The following EXOC6B variants were observed in gnomAD, a reference collection of about 807,000 sequenced individuals.
EXOC6B encodes SEC15 homolog B.
A neutral mutation model predicts 113.5 loss-of-function variants in EXOC6B; 54 were observed. The observed-to-expected ratio is 0.48, with a 90% CI of 0.38 to 0.60. EXOC6B has a LOEUF of 0.60. EXOC6B is among the 20% of genes least tolerant of loss of function. The pLI is 0.00. For synonymous variants in EXOC6B, 357 were observed against 339.0 expected (o/e 1.05, Z -0.58); for missense variants, 797 against 977.5 (o/e 0.82, Z 2.46).
intron 18 of EXOC6B, among the ~76,000 whole-genome samples, chr2:72,394,448 C>T (rs1692594392): frequency 6.6e-6 from 1 of 152,084 alleles, no homozygotes; most frequent in Non-Finnish European, 1.5e-5. Context: ...ACCCTCATTA[C>T]ATCCCAACAA....
rs142810311 is a variant in EXOC6B, at chr2:72,724,274, A to G, written c.465-5967T>C. Among the ~76,000 whole-genome samples, 151 of 152,320 alleles carry G rather than the reference A, an allele frequency of 9.9e-4. 1 individual carries two copies. Among genetic ancestry groups the G allele is most frequent in the Non-Finnish European group, 1.5e-3 (102 of 68,028 alleles). On this transcript the variant is annotated intron_variant, in intron 5 of 21. Coordinates refer to ENST00000272427, the MANE Select transcript of EXOC6B (RefSeq NM_015189.3). Reference sequence around the variant, plus strand: ...TTCCACAATCTCAGACAAGGCAGATAAACATTCAAACTCTGAACAGTCAAA... The same window carrying G: ...TTCCACAATCTCAGACAAGGCAGATGAACATTCAAACTCTGAACAGTCAAA...
intron 20 of EXOC6B, among the ~76,000 whole-genome samples, chr2:72,251,196 G>C (rs1682999666): frequency 7.1e-6 from 1 of 141,444 alleles, no homozygotes; most frequent in Non-Finnish European, 1.6e-5. Context: ...GTTCTTTGAG[G>C]AACTTTTCCT....
intron 6 of EXOC6B, among the ~76,000 whole-genome samples, chr2:72,666,297 G>C (rs1395097139): frequency 6.6e-6 from 1 of 152,148 alleles, no homozygotes. Flanking sequence ...CAAACCACTA[G>C]ACCTAACAAA....
intron 20 of EXOC6B, among the ~76,000 whole-genome samples, chr2:72,270,332 G>A (rs1684406903): frequency 6.6e-6 from 1 of 152,138 alleles, no homozygotes; most frequent in Admixed American, 6.6e-5. Flanking sequence ...GCAGGTGTCA[G>A]AAGGCAAGCG....
chr2:72,329,650 T>C (rs1465671515), intron 20 of EXOC6B, among the ~76,000 whole-genome samples: 1 of 152,044 alleles, frequency 6.6e-6, no homozygotes, highest in Non-Finnish European at 1.5e-5. Context: ...GGCAATTTGA[T>C]TTGAAAATCA....
chr2:72,307,305 A>AT (rs1013841643), intron 20 of EXOC6B, among the ~76,000 whole-genome samples: 22 of 148,450 alleles, frequency 1.5e-4, no homozygotes, highest in Admixed American at 2.0e-4. Flanking sequence ...ACGTCCGGCT[A>AT]TTTTTTTTTT....
At chr2:72,632,422 T>G (rs1014979312) in intron 6 of EXOC6B, among the ~76,000 whole-genome samples, 1 of 152,222 alleles carries the variant, frequency 6.6e-6, no homozygotes, top group Non-Finnish European at 1.5e-5. Context: ...CTATATTCTT[T>G]AATCCAATAA....
intron 18 of EXOC6B, among the ~76,000 whole-genome samples, chr2:72,410,951 A>G (rs1228661772): frequency 1.3e-5 from 2 of 152,204 alleles, no homozygotes; most frequent in Non-Finnish European, 1.5e-5. Context: ...ACTCATTCCT[A>G]TAGCCCCAGT....
In EXOC6B at chr2:72,312,759, AAAC is replaced by A. The variant is rs199648970; in HGVS notation, c.2196+22185_2196+22187del. On this transcript the variant is annotated intron_variant, in intron 20 of 21. Transcript: ENST00000272427. ...AACAAGAGCAAGACTTTGTCTCAAA[AAAC>A]AACAACAACAACAACAACAACAAAC... Among the ~76,000 whole-genome samples the A allele has an allele frequency of 7.3e-3, 1,109 of 150,932 alleles. 11 individuals carry two copies. The highest frequency in any genetic ancestry group is 0.023 in the African/African-American group (951 of 40,846).
At chr2:72,216,532 C>G (rs1229801163) in intron 20 of EXOC6B, among the ~76,000 whole-genome samples, 1 of 152,140 alleles carries the variant, frequency 6.6e-6, no homozygotes, top group Admixed American at 6.5e-5. Context: ...TACCATTTGA[C>G]CCAGTAATCC....
chr2:72,750,190 A>C (rs969380971), intron 1 of EXOC6B, among the ~76,000 whole-genome samples: 1 of 151,962 alleles, frequency 6.6e-6, no homozygotes, highest in African/African-American at 2.4e-5. Context: ...CCCATGGCCA[A>C]AAGTGACCAC....
At chr2:72,188,941 A>G (rs139748198) in intron 20 of EXOC6B, among the ~76,000 whole-genome samples, 4 of 152,274 alleles carry the variant, frequency 2.6e-5, no homozygotes, top group Non-Finnish European at 4.4e-5. Flanking sequence ...GCATGTACAC[A>G]TATGCTATTT....
chr2:72,272,626 T>C (rs1684562312), intron 20 of EXOC6B, among the ~76,000 whole-genome samples: 1 of 152,146 alleles, frequency 6.6e-6, no homozygotes, highest in Non-Finnish European at 1.5e-5. Context: ...TGTTACCTGC[T>C]TAGAGAGCCC....
chr2:72,390,281 C>T (rs545747369), intron 18 of EXOC6B, among the ~76,000 whole-genome samples: 25 of 152,172 alleles, frequency 1.6e-4, no homozygotes, highest in Middle Eastern at 3.4e-3. Context: ...TTTTGTATAA[C>T]TTCTATTACT....
chr2:72,338,292 A>G (rs745425449), intron 19 of EXOC6B, among the ~76,000 whole-genome samples: 2 of 152,204 alleles, frequency 1.3e-5, no homozygotes, highest in Non-Finnish European at 1.5e-5. Context: ...TATCATTATA[A>G]TTAGTTTTTT....
intron 17 of EXOC6B, among the ~76,000 whole-genome samples, chr2:72,475,063 T>C (rs1021233225): frequency 4.6e-5 from 7 of 152,152 alleles, no homozygotes; most frequent in African/African-American, 1.7e-4. Flanking sequence ...AGGGTGCAAT[T>C]ATTAAATGAG....
chr2:72,670,928 C>T (rs905439668), intron 6 of EXOC6B, among the ~76,000 whole-genome samples: 1 of 152,058 alleles, frequency 6.6e-6, no homozygotes, highest in African/African-American at 2.4e-5. Flanking sequence ...GCAGCTTAGG[C>T]CCCTCCCATG....
chr2:72,557,557 A>C (rs1703633096), intron 8 of EXOC6B, among the ~76,000 whole-genome samples: 1 of 152,204 alleles, frequency 6.6e-6, no homozygotes, highest in Non-Finnish European at 1.5e-5. Flanking sequence ...ACAGAAAAAC[A>C]AATATCCCAT....
chr2:72,744,694 G>A (rs1681580879), intron 1 of EXOC6B, among the ~76,000 whole-genome samples: 1 of 152,112 alleles, frequency 6.6e-6, no homozygotes, highest in Non-Finnish European at 1.5e-5. Flanking sequence ...ATACTTCTAA[G>A]TTAAATGGCA....
Sources: allele counts gnomAD v4.1 joint callset (sites outside exome capture counted in the v4.1 genomes callset), GRCh38; gene constraint gnomAD v4.1.1; transcripts MANE v1.5; gene names NCBI Gene and HGNC (gene_info 2026-07-23, HGNC 2026-07-21).